Variants in NBAS observed in about 807,000 individuals in gnomAD.
The protein encoded by NBAS is NBAS subunit of NRZ tethering complex, also known as NAG/BC035112 fusion.
A neutral mutation model predicts 302.5 loss-of-function variants in NBAS; 219 were observed. The observed-to-expected ratio is 0.72, with a 90% CI of 0.65 to 0.81. The LOEUF (loss-of-function observed/expected upper bound fraction) is 0.81. Ranked by LOEUF, NBAS falls within the 30% of genes least tolerant of loss-of-function variation. NBAS has a pLI of 0.00. For synonymous variants in NBAS, 1,118 were observed against 1,021.6 expected, an observed-to-expected ratio of 1.09 and a Z score of -1.80; for missense variants, 2,932 against 2,841.6, an observed-to-expected ratio of 1.03 and a Z score of -0.72.
intron 15 of NBAS, among the ~76,000 whole-genome samples, 181 bp from the exon 16 acceptor site, chr2:15,473,528 C>T (rs1486880894): frequency 1.3e-5 from 2 of 152,180 alleles, no homozygotes; most frequent in Non-Finnish European, 2.9e-5. Flanking sequence ...GTGTTTCTTT[C>T]AGCACTTCAA....
intron 44 of NBAS, among the ~76,000 whole-genome samples, chr2:15,270,152 T>A (rs1669249121): frequency 6.6e-6 from 1 of 152,214 alleles, no homozygotes; most frequent in Non-Finnish European, 1.5e-5. Context: ...ATTATTGGTA[T>A]TTTAAAATAA....
At chr2:14,911,117 G>T in the NBAS span, among the ~76,000 whole-genome samples, 3 of 152,156 alleles carry the variant, frequency 2.0e-5, no homozygotes, top group African/African-American at 7.2e-5. Context: ...TTACCTTTCT[G>T]AACCTTCCTC....
At chr2:15,465,369 C>T (rs761053229) in intron 19 of NBAS, among the ~76,000 whole-genome samples, 1 of 152,156 alleles carries the variant, frequency 6.6e-6, no homozygotes, top group Admixed American at 6.5e-5. Context: ...ATTTGACATT[C>T]TTCTTCATTA....
At chr2:15,302,787 C>A (rs923179282) in intron 40 of NBAS, among the ~76,000 whole-genome samples, 1 of 152,218 alleles carries the variant, frequency 6.6e-6, no homozygotes, top group African/African-American at 2.4e-5. Flanking sequence ...GGCAGACCCA[C>A]CCTCAATGTG....
chr2:15,525,247 C>G (rs997899547), intron 9 of NBAS, among the ~76,000 whole-genome samples: 4 of 152,184 alleles, frequency 2.6e-5, no homozygotes. Context: ...AATGAATCTT[C>G]CCACAACGCC....
the NBAS span, among the ~76,000 whole-genome samples, chr2:14,996,779 G>A: frequency 6.6e-6 from 1 of 152,080 alleles, no homozygotes; most frequent in Non-Finnish European, 1.5e-5. Flanking sequence ...GACAAACCAA[G>A]TACAAAATGC....
chr2:15,517,512 T>C (rs1662455925), intron 9 of NBAS, among the ~76,000 whole-genome samples: 1 of 152,166 alleles, frequency 6.6e-6, no homozygotes, highest in Non-Finnish European at 1.5e-5. Flanking sequence ...TTGTCTTTGA[T>C]ATTTATATAT....
At chr2:15,092,662 A>G in the NBAS span, among the ~76,000 whole-genome samples, 1 of 152,128 alleles carries the variant, frequency 6.6e-6, no homozygotes, top group Admixed American at 6.5e-5. Flanking sequence ...GTTCCTGTCT[A>G]TGGACCCAGC....
At chr2:15,258,074 G>C (rs12692259) in intron 44 of NBAS, among the ~76,000 whole-genome samples, 91,084 of 152,086 alleles carry the variant, frequency 0.6, 30,013 homozygotes, top group African/African-American at 0.87. Flanking sequence ...ACTCAGGGAC[G>C]CCGAACGGAG....
In NBAS at chr2:15,419,905, C is replaced by T. The variant is rs183576927; in HGVS notation, c.2578-2193G>A. Among the ~76,000 whole-genome samples the T allele has an allele frequency of 1.5e-3, 223 of 151,894 alleles. 2 individuals carry two copies. Among genetic ancestry groups the T allele is most frequent in the Admixed American group, 2.8e-3 (43 of 15,266 alleles). On this transcript the variant is annotated intron_variant, in intron 23 of 51. Coordinates refer to ENST00000281513, the MANE Select transcript of NBAS (RefSeq NM_015909.4). ...TTTTTTGTATTTTTAGTAGAGATGG[C>T]GTTTCACCATGTTAGCCAGGATGGT...
chr2:14,932,103 G>A, the NBAS span, among the ~76,000 whole-genome samples: 14 of 152,106 alleles, frequency 9.2e-5, no homozygotes, highest in Non-Finnish European at 1.3e-4. Context: ...GAAGAGTTGT[G>A]GTCCCTGACA....
the NBAS span, among the ~76,000 whole-genome samples, chr2:15,003,249 G>A: frequency 6.6e-6 from 1 of 152,190 alleles, no homozygotes; most frequent in Non-Finnish European, 1.5e-5. Context: ...AGTGTAGGTG[G>A]AAGATGCCGA....
the NBAS span, among the ~76,000 whole-genome samples, chr2:14,989,665 T>C: frequency 6.6e-6 from 1 of 152,194 alleles, no homozygotes; most frequent in South Asian, 2.1e-4. Context: ...CCTCAGAAGA[T>C]ATTGACATTG....
the NBAS span, among the ~76,000 whole-genome samples, chr2:14,888,672 G>T: frequency 6.6e-6 from 1 of 152,016 alleles, no homozygotes; most frequent in East Asian, 1.9e-4. Context: ...GCAGAAAGGG[G>T]TCCATGAAGT....
chr2:15,509,085 G>A (rs1978370), intron 10 of NBAS, among the ~76,000 whole-genome samples: 89,678 of 152,042 alleles, frequency 0.59, 27,066 homozygotes, highest in Middle Eastern at 0.63. Context: ...GATAAACACA[G>A]CTAAATTCCT....
At chr2:15,164,211 T>C (rs1369040396), downstream of NBAS, among the ~76,000 whole-genome samples, 1 of 152,198 alleles carries the variant, frequency 6.6e-6, no homozygotes, top group African/African-American at 2.4e-5. Flanking sequence ...TCGGCCATGA[T>C]ATTATCAGTC....
the NBAS span, among the ~76,000 whole-genome samples, chr2:14,911,108 T>A: frequency 2.6e-5 from 4 of 152,236 alleles, no homozygotes; most frequent in Admixed American, 2.6e-4. Context: ...AACTCAAAGT[T>A]ACCTTTCTGA....
chr2:15,238,410 G>GA, intron 45 of NBAS, 58 bp downstream of exon 45: 3 of 1,541,988 alleles, frequency 1.9e-6, no homozygotes, highest in South Asian at 2.3e-5. Flanking sequence ...AACTTTCAAG[G>GA]AAAAAAGAAA....
intron 42 of NBAS, among the ~76,000 whole-genome samples, chr2:15,283,631 C>G (rs1451263485): frequency 6.6e-6 from 1 of 152,086 alleles, no homozygotes; most frequent in East Asian, 1.9e-4. Flanking sequence ...TATAAATTAC[C>G]CAAGCTCAGG....
Sources: allele counts gnomAD v4.1 joint callset (sites outside exome capture counted in the v4.1 genomes callset), GRCh38; gene constraint gnomAD v4.1.1; transcripts MANE v1.5; gene names NCBI Gene and HGNC (gene_info 2026-07-23, HGNC 2026-07-21).